SYNE1: variants seen among roughly 807,000 people sequenced by gnomAD.
The protein encoded by SYNE1 is nesprin-1.
SYNE1 carries 616 observed loss-of-function variants against 1,111.0 expected under a neutral mutation model. The ratio of observed to expected loss-of-function variants is 0.55; its 90% confidence interval spans 0.52 to 0.59. The LOEUF is 0.59. Among genes scored for constraint, SYNE1 ranks in the 20% least tolerant of loss-of-function variants. The probability of loss-of-function intolerance (pLI) is 0.00; values close to 1 mark genes in which losing one functional copy is unlikely to be tolerated. For missense variants in SYNE1, 10,006 were observed against 10,417.0 expected, an observed-to-expected ratio of 0.96 and a Z score of 1.72; for synonymous variants, 3,855 against 3,825.8, an observed-to-expected ratio of 1.01 and a Z score of -0.28.
chr6:152,148,225 G>A lies in SYNE1; in HGVS notation c.24796C>T (p.Arg8266Trp), dbSNP rs752558745. 8.7e-6 allele frequency: 14 copies of A among 1,613,950 alleles called. No individual in the cohort carries two copies. The highest frequency in any genetic ancestry group is 2.2e-5 in the East Asian group (1 of 44,878). The change falls in exon 137 of 146, where the codon CGG becomes TGG. Residue 8266 changes from arginine (R) to tryptophan (W), a missense_variant. Physicochemically the swap from Arg to Trp is moderately radical, Grantham distance 101. Coordinates refer to ENST00000367255, the MANE Select transcript of SYNE1 (RefSeq NM_182961.4). The surrounding 1 kb of genome is among the most constrained non-coding windows in gnomAD (Gnocchi z 4.1). ...NLSLSLAQPL[R>W]SERSGRDTPA... ...GTGTCTCGTCCTGACCGCTCGCTCC[G>A]GAGGGGCTGAGCGAGCGAGAGGGAG...
chr6:152,424,109 C>T (rs1371396360), intron 39 of SYNE1, among the ~76,000 whole-genome samples: 1 of 152,160 alleles, frequency 6.6e-6, no homozygotes, highest in Non-Finnish European at 1.5e-5. Flanking sequence ...CTGCTGTATC[C>T]TCGGCACCTA....
At chr6:152,277,791 C>G in intron 98 of SYNE1, 1 of 463,350 alleles carries the variant, frequency 2.2e-6, no homozygotes, top group Non-Finnish European at 4.0e-6. Flanking sequence ...CCTGGAGTAG[C>G]CTTTACTTTC....
At position 152,474,987 on chromosome 6, in the gene SYNE1, T is replaced by C. The variant is rs527830080; in HGVS notation, c.1351-2574A>G. 2.6e-5 allele frequency among the ~76,000 whole-genome samples: 4 copies of C among 152,248 alleles called. No individual in the cohort carries two copies. The South Asian group carries it at 8.3e-4, about 32-fold the overall frequency. On this transcript the variant is annotated intron_variant, in intron 14 of 145. Transcript: ENST00000367255. ...CTCAGATGCTAGAAACAAATTCAAG[T>C]ATATCAATAATAATAAATAAATGTG...
intron 49 of SYNE1, among the ~76,000 whole-genome samples, chr6:152,397,505 T>C (rs897560372): frequency 3.3e-5 from 5 of 152,206 alleles, no homozygotes; most frequent in Non-Finnish European, 7.3e-5. Context: ...CACCTGTTAC[T>C]CAGGCATTTC....
At position 152,256,742 on chromosome 6, in the gene SYNE1, G is replaced by T. The variant is rs2090951483; in HGVS notation, c.18996C>A (p.Leu6332=). 6.2e-7 allele frequency: 1 copy of T among 1,613,948 alleles called. No individual in the cohort carries two copies. Among genetic ancestry groups the T allele is most frequent in the African/African-American group, 1.3e-5 (1 of 75,034 alleles). ...EQVLYSRPNR[L]LSGVPLYKGD... Reference sequence around the variant, plus strand: ...CTTTGTACAGTGGCACACCAGACAAGAGTCGATTTGGCCTGCTATAAAGCT... The same window carrying T: ...CTTTGTACAGTGGCACACCAGACAATAGTCGATTTGGCCTGCTATAAAGCT... Residue 6332 remains leucine (L), a synonymous_variant, in exon 102 of 146, where the codon CTC becomes CTA. Coordinates refer to ENST00000367255, the MANE Select transcript of SYNE1 (RefSeq NM_182961.4).
intron 78 of SYNE1, among the ~76,000 whole-genome samples, chr6:152,328,281 T>C (rs79263161): frequency 0.042 from 6,392 of 152,114 alleles, 172 homozygotes; most frequent in East Asian, 0.15. Flanking sequence ...TTGGTTGACA[T>C]CTCCTAGAAT....
intron 130 of SYNE1, among the ~76,000 whole-genome samples, chr6:152,167,226 G>A (rs1037808723): frequency 2.0e-5 from 3 of 152,044 alleles, no homozygotes; most frequent in Non-Finnish European, 2.9e-5. Flanking sequence ...ACTGAAACAC[G>A]TATATACAAA....
rs765800192 is a variant in SYNE1, at chr6:152,326,605, C to T, written c.14984G>A (p.Cys4995Tyr). 6.0e-5 allele frequency: 97 copies of T among 1,613,956 alleles called. No homozygotes were observed. Among genetic ancestry groups the T allele is most frequent in the Non-Finnish European group, 7.4e-5 (87 of 1,180,038 alleles). ...QATLTEIYSQ[C>Y]QRYYQVFQAA... ...TTGAAATACCTGATAATACCTTTGACACTGGCTATATATTTCAGTCAAGGT... is the reference window on the plus strand; with the variant it reads ...TTGAAATACCTGATAATACCTTTGATACTGGCTATATATTTCAGTCAAGGT... Residue 4995 changes from cysteine to tyrosine, a missense_variant, in exon 79 of 146, where the codon TGT becomes TAT. By Grantham distance (194) the Cys-to-Tyr change is radical. This residue lies in a region of SYNE1 where 4,955 missense variants were observed against 5,017.2 expected (regional missense o/e 0.99). Transcript: ENST00000367255.
intron 2 of SYNE1, among the ~76,000 whole-genome samples, chr6:152,629,851 A>T (rs2099694939): frequency 6.6e-6 from 1 of 152,088 alleles, no homozygotes; most frequent in Admixed American, 6.6e-5. Context: ...GGAGAATGGC[A>T]AAAGCAAAAC....
chr6:152,505,519 T>C, intron 8 of SYNE1, 122 bp from the exon 9 acceptor site: 2 of 1,109,300 alleles, frequency 1.8e-6, no homozygotes, highest in Non-Finnish European at 1.3e-6. Context: ...TATCAGTTCA[T>C]TGTATTTGAG....
At position 152,385,745 on chromosome 6, in the gene SYNE1, C is replaced by T; in HGVS notation, c.8581G>A (p.Glu2861Lys). Residue 2861 changes from glutamate (E) to lysine (K), a missense_variant, in exon 55 of 146, where the codon GAA becomes AAA. This residue lies in a region of SYNE1 where 4,955 missense variants were observed against 5,017.2 expected (regional missense o/e 0.99). Coordinates refer to ENST00000367255, the MANE Select transcript of SYNE1 (RefSeq NM_182961.4). ...ATATCTGACCACCGGTGAAGTTCTT[C>T]CTTTGCTGAATGGAGCCAATCTGTG... The part of the protein sequence containing the change: ...EFTDWLHSAK[E>K]ELHRWSDMSG... 1.2e-6 allele frequency: 2 copies of T among 1,614,114 alleles called. No homozygotes were observed.
chr6:152,218,908 C>T, intron 120 of SYNE1, 95 bp downstream of exon 120: 1 of 1,271,572 alleles, frequency 7.9e-7, no homozygotes, highest in Non-Finnish European at 1.1e-6. Flanking sequence ...TTGAAGGAGG[C>T]ATTGTTGCCA....
intron 92 of SYNE1, among the ~76,000 whole-genome samples, chr6:152,301,098 C>A (rs1241591963): frequency 6.6e-6 from 1 of 152,148 alleles, no homozygotes; most frequent in African/African-American, 2.4e-5. Flanking sequence ...AATCACGAAT[C>A]ATACAAATGA....
chr6:152,515,146 T>C (rs140819323), intron 6 of SYNE1, among the ~76,000 whole-genome samples: 15,481 of 151,050 alleles, frequency 0.1, 1,134 homozygotes, highest in African/African-American at 0.21. Context: ...CTCTTGAACC[T>C]GAGAGGTGGA....
At chr6:152,508,860 A>G (rs2154336093) in intron 8 of SYNE1, among the ~76,000 whole-genome samples, 1 of 152,340 alleles carries the variant, frequency 6.6e-6, no homozygotes, top group African/African-American at 2.4e-5. Context: ...AACCAGCAAC[A>G]CACTTTAAAA....
chr6:152,362,313 C>T lies in SYNE1; in HGVS notation c.10156G>A (p.Gly3386Arg). The T allele has an allele frequency of 6.2e-7, 1 of 1,614,226 alleles. No homozygotes were observed. Among genetic ancestry groups the T allele is most frequent in the South Asian group, 1.1e-5 (1 of 91,088 alleles). The change falls in exon 64 of 146, where the codon GGA (glycine) becomes AGA (arginine). Residue 3386 changes from glycine to arginine, a missense_variant. Gly to Arg is a moderately radical substitution (Grantham distance 125, BLOSUM62 -2). Coordinates refer to ENST00000367255, the MANE Select transcript of SYNE1 (RefSeq NM_182961.4). ...TAACTTGTCCACTTGGAGAGAGCTC[C>T]TTCGAGTTGGCTGAAAGGGATTTGA... ...AGIRCKSQLE[G>R]ALSKWTSYQD...
chr6:152,264,061 T>G (rs1254933851), intron 100 of SYNE1, among the ~76,000 whole-genome samples: 1 of 151,304 alleles, frequency 6.6e-6, no homozygotes, highest in Non-Finnish European at 1.5e-5. Flanking sequence ...ATACAAAAAT[T>G]AGCCAGGCAT....
intron 31 of SYNE1, among the ~76,000 whole-genome samples, chr6:152,441,474 C>A (rs955173187): frequency 1.3e-5 from 2 of 152,112 alleles, no homozygotes; most frequent in Admixed American, 6.5e-5. Context: ...AGAGAGGACA[C>A]ATGGACTCAG....
chr6:152,146,360 C>T (rs903120821), intron 137 of SYNE1: 2 of 152,152 alleles, frequency 1.3e-5, no homozygotes, highest in Non-Finnish European at 2.9e-5. Context: ...TTTAACACTA[C>T]ATTAGACAGG....
Sources: allele counts gnomAD v4.1 joint callset (sites outside exome capture counted in the v4.1 genomes callset), GRCh38; gene constraint gnomAD v4.1.1; regional missense constraint gnomAD v4.1.1; non-coding constraint Gnocchi (gnomAD v3.1); transcripts MANE v1.5; gene names NCBI Gene and HGNC (gene_info 2026-07-23, HGNC 2026-07-21).